Variants in FBXO43 observed in about 807,000 individuals in gnomAD.
The protein encoded by FBXO43 is F-box protein 43, also known as F-box only protein 43.
Under a neutral mutation model 56.7 loss-of-function variants are expected in FBXO43, and 22 were observed. The ratio of observed to expected loss-of-function variants is 0.39; its 90% CI spans 0.28 to 0.55. The LOEUF (loss-of-function observed/expected upper bound fraction) is 0.55. FBXO43 is among the 20% of genes least tolerant of loss of function. The probability of loss-of-function intolerance (pLI) is 0.66; values close to 1 mark genes in which losing one functional copy is unlikely to be tolerated. For missense variants in FBXO43, 733 were observed against 814.9 expected (o/e 0.90, Z 1.22); for synonymous variants, 306 against 294.5 (o/e 1.04, Z -0.40).
Position 100,140,872 on chromosome 8 carries a change from T to C in FBXO43, c.1382A>G (p.Asn461Ser), listed in dbSNP as rs921262213. 1 of 1,614,200 alleles carries C rather than the reference T, an allele frequency of 6.2e-7. No homozygotes were observed. Among genetic ancestry groups the C allele is most frequent in the Non-Finnish European group, 8.5e-7 (1 of 1,180,028 alleles). Residue 461 changes from asparagine (N) to serine (S), a missense_variant, in exon 2 of 5, where the codon AAT becomes AGT. Asn to Ser is a conservative substitution (Grantham distance 46). Transcript: ENST00000428847. ...MKSKRKRLQE[N>S]SGHEFLEQGD... The stretch of plus-strand genomic sequence containing the variant: ...TTGCTCTAAGAATTCATGTCCACTA[T>C]TTTCCTGTAATCTTTTCCTCTTGCT...
chr8:100,138,125 C>T (rs913765144), intron 2 of FBXO43, among the ~76,000 whole-genome samples: 1 of 152,182 alleles, frequency 6.6e-6, no homozygotes, highest in East Asian at 1.9e-4. Flanking sequence ...TAAGTGCCAA[C>T]TATAAATACT....
In FBXO43 at chr8:100,140,878, T is replaced by C; in HGVS notation, c.1376A>G (p.Gln459Arg). 2 of 1,614,230 alleles carry C rather than the reference T, an allele frequency of 1.2e-6. No individual in the cohort carries two copies. The highest frequency in any genetic ancestry group is 1.1e-5 in the South Asian group (1 of 91,086). ...LFMKSKRKRL[Q>R]ENSGHEFLEQ... ...TAAGAATTCATGTCCACTATTTTCCTGTAATCTTTTCCTCTTGCTTTTCAT... is the reference window on the plus strand; with the variant it reads ...TAAGAATTCATGTCCACTATTTTCCCGTAATCTTTTCCTCTTGCTTTTCAT... Residue 459 changes from glutamine to arginine, a missense_variant, in exon 2 of 5, where the codon CAG (glutamine) becomes CGG (arginine). By Grantham distance (43) the Gln-to-Arg change is conservative (BLOSUM62 1). Transcript: ENST00000428847.
rs2132136390 is a variant in FBXO43, at chr8:100,141,687, AT to A, written c.566del (p.Asn189IlefsTer18). On this transcript the variant is annotated frameshift_variant, in exon 2 of 5. Transcript: ENST00000428847. LOFTEE classifies it high-confidence loss of function. ...AAAAACCTGAAGCACTGCTTGGAAT[AT>A]TTTTTTCTAAGTTGATAACTTGGCT... ...SISQVINLEK[N>X]IPSSASGFSR... 4 of 1,611,416 alleles carry A rather than the reference AT, an allele frequency of 2.5e-6. No homozygotes were observed. Among genetic ancestry groups the A allele is most frequent in the Non-Finnish European group, 3.4e-6 (4 of 1,178,036 alleles).
intron 1 of FBXO43, among the ~76,000 whole-genome samples, chr8:100,143,813 C>T (rs1169277907): frequency 6.6e-6 from 1 of 151,834 alleles, no homozygotes; most frequent in Admixed American, 6.6e-5. Flanking sequence ...GCTTTTTCGC[C>T]CAGGCTGGAG....
At chr8:100,137,304 C>T (rs2446920) in intron 3 of FBXO43, 100,229 of 264,636 alleles carry the variant, frequency 0.38, 19,523 homozygotes, top group East Asian at 0.53. Context: ...TCGTGATCCG[C>T]CCGCCTCGGC....
chr8:100,140,839 C>A lies in FBXO43; in HGVS notation c.1415G>T (p.Gly472Val), dbSNP rs1248665905. The change falls in exon 2 of 5, where the codon GGG (glycine) becomes GTG (valine). Residue 472 changes from glycine (G) to valine (V), a missense_variant. Physicochemically the swap from Gly to Val is moderately radical, Grantham distance 109. Transcript: ENST00000428847. ...ACACTGCAGTACAGCTATTTTCTCC[C>A]CATCCCCTTGCTCTAAGAATTCATG... ...SGHEFLEQGDGEKIAVLQCIL... is the reference protein window; with the variant it reads ...SGHEFLEQGDVEKIAVLQCIL... The A allele has an allele frequency of 1.2e-6, 2 of 1,614,078 alleles. No individual in the cohort carries two copies. Among genetic ancestry groups the A allele is most frequent in the Non-Finnish European group, 1.7e-6 (2 of 1,180,048 alleles).
rs1814374957 is a variant in FBXO43 at position 100,133,652 on chromosome 8, A to G, written c.*150T>C. The G allele has an allele frequency of 1.3e-5, 12 of 903,254 alleles. No individual in the cohort carries two copies. The highest frequency in any genetic ancestry group is 1.9e-5 in the Non-Finnish European group (12 of 648,136). The allele number at this position is 903,254 out of a possible 1,614,324, so 56.0% of individuals were successfully genotyped here. Reference sequence around the variant, plus strand: ...ATTTTTTCAAAACAACTTTAAAGAAAACATACAATGACATCGATTATAATA... The same window carrying G: ...ATTTTTTCAAAACAACTTTAAAGAAGACATACAATGACATCGATTATAATA... On this transcript the variant is annotated 3_prime_UTR_variant, in exon 5 of 5. Coordinates refer to ENST00000428847, the MANE Select transcript of FBXO43 (RefSeq NM_001029860.4).
At chr8:100,137,698 A>G (rs749484396) in intron 2 of FBXO43, 31 bp from the exon 3 acceptor site, 1 of 1,484,208 alleles carries the variant, frequency 6.7e-7, no homozygotes, top group Admixed American at 1.8e-5. Context: ...CTTATATTGC[A>G]TACATTCTAT....
At chr8:100,147,815 GGTT>G (rs1264586191), upstream of FBXO43, among the ~76,000 whole-genome samples, 1 of 152,168 alleles carries the variant, frequency 6.6e-6, no homozygotes, top group Non-Finnish European at 1.5e-5. Flanking sequence ...TTTAGTGTGA[GGTT>G]GTTAAGTTTG....
chr8:100,140,551 A>T, intron 2 of FBXO43, 132 bp downstream of exon 2: 1 of 715,372 alleles, frequency 1.4e-6, no homozygotes, highest in South Asian at 2.0e-5. Context: ...ACGTTCACTT[A>T]AACTATCTTT....
chr8:100,138,870 C>G (rs983525134), intron 2 of FBXO43, among the ~76,000 whole-genome samples: 1 of 151,964 alleles, frequency 6.6e-6, no homozygotes, highest in African/African-American at 2.4e-5. Context: ...AGACCCCATC[C>G]ATACCAAAAA....
At position 100,140,946 on chromosome 8, in the gene FBXO43, A is replaced by C; in HGVS notation, c.1308T>G (p.Asn436Lys). 1 of 1,614,176 alleles carries C rather than the reference A, an allele frequency of 6.2e-7. No individual in the cohort carries two copies. The highest frequency in any genetic ancestry group is 2.2e-5 in the East Asian group (1 of 44,878). The change falls in exon 2 of 5, where the codon AAT (asparagine) becomes AAG (lysine). Residue 436 changes from asparagine (N) to lysine (K), a missense_variant. Physicochemically the swap from Asn to Lys is moderately conservative, Grantham distance 94. Coordinates refer to ENST00000428847, the MANE Select transcript of FBXO43 (RefSeq NM_001029860.4). ...ESGDLTFSLK[N>K]LSKTPALQLV... ...ATTGCAAGGCTGGGGTCTTTGATAA[A>C]TTCTTTAAGCTAAAGGTCAAATCCC...
chr8:100,134,197 A>G lies in FBXO43; in HGVS notation c.1842T>C (p.Val614=). 6.2e-7 allele frequency: 1 copy of G among 1,614,190 alleles called. No homozygotes were observed. Among genetic ancestry groups the G allele is most frequent in the Non-Finnish European group, 8.5e-7 (1 of 1,180,024 alleles). ...CTTCCTGTTTACTACTTAAGTGAGTAACAGAAGAGCTTGCTAGAGGTGTCA... is the reference window on the plus strand; with the variant it reads ...CTTCCTGTTTACTACTTAAGTGAGTGACAGAAGAGCTTGCTAGAGGTGTCA... ...EVLTPLASSS[V]THLSSKQEEY... The change falls in exon 4 of 5, where the codon GTT becomes GTC. Residue 614 remains valine (V), a synonymous_variant. Coordinates refer to ENST00000428847, the MANE Select transcript of FBXO43 (RefSeq NM_001029860.4).
chr8:100,140,329 G>A (rs922238180), intron 2 of FBXO43, among the ~76,000 whole-genome samples: 1 of 152,202 alleles, frequency 6.6e-6, no homozygotes, highest in Non-Finnish European at 1.5e-5. Context: ...AATTAGCCGG[G>A]CATGGTGGTG....
upstream of FBXO43, among the ~76,000 whole-genome samples, chr8:100,148,755 T>C (rs2453637): frequency 1 from 152,328 of 152,328 alleles, 76,164 homozygotes; most frequent in Non-Finnish European, 1. Flanking sequence ...CCATCACTAA[T>C]TTCAGAACTC....
intron 2 of FBXO43, among the ~76,000 whole-genome samples, chr8:100,139,878 G>C (rs899052065): frequency 1.3e-5 from 2 of 152,138 alleles, no homozygotes; most frequent in Non-Finnish European, 2.9e-5. Context: ...TAAAATGAAA[G>C]CTAACGATTG....
chr8:100,150,117 G>T (rs1190759575), upstream of FBXO43, among the ~76,000 whole-genome samples: 2 of 152,200 alleles, frequency 1.3e-5, no homozygotes, highest in African/African-American at 2.4e-5. Context: ...CAAGTAAACG[G>T]ATTGGGCGAG....
chr8:100,134,912 G>A (rs1299129766), intron 3 of FBXO43, among the ~76,000 whole-genome samples: 1 of 152,146 alleles, frequency 6.6e-6, no homozygotes, highest in Non-Finnish European at 1.5e-5. Context: ...ATGTCTCTGA[G>A]GAAAAGAAGG....
At chr8:100,134,420 G>C in intron 3 of FBXO43, 56 bp from the exon 4 acceptor site, 1 of 1,409,268 alleles carries the variant, frequency 7.1e-7, no homozygotes, top group South Asian at 1.2e-5. Context: ...TTCCGGGATA[G>C]CTTTCTGATG....
Sources: allele counts gnomAD v4.1 joint callset (sites outside exome capture counted in the v4.1 genomes callset), GRCh38; gene constraint gnomAD v4.1.1; transcripts MANE v1.5; gene names NCBI Gene and HGNC (gene_info 2026-07-23, HGNC 2026-07-21).